The following TTC29 variants were observed in gnomAD, a reference collection of about 807,000 sequenced individuals.
TTC29 encodes tetratricopeptide repeat protein 29.
TTC29 carries 49 observed loss-of-function variants against 58.1 expected under a neutral mutation model. The ratio of observed to expected loss-of-function variants is 0.84; its 90% CI spans 0.67 to 1.07. TTC29 has a LOEUF of 1.07. Ranked by LOEUF, TTC29 falls within the 50% of genes least tolerant of loss-of-function variation. TTC29 has a pLI of 0.00. For missense variants in TTC29, 582 were observed against 555.6 expected (o/e 1.05, Z -0.48); for synonymous variants, 209 against 196.8 (o/e 1.06, Z -0.52).
At position 146,845,817 on chromosome 4, in the gene TTC29, T is replaced by TCA. The variant is rs112302644; in HGVS notation, c.886-11922_886-11921dup. ...ACTCTTCCAGTACTTGTACACACAA[T>TCA]CACACACACACACACACACACACAC... On this transcript the variant is annotated intron_variant, in intron 8 of 12. Coordinates refer to ENST00000325106, the MANE Select transcript of TTC29 (RefSeq NM_031956.4). Among the ~76,000 whole-genome samples, 1,436 of 148,850 alleles carry TCA rather than the reference T, an allele frequency of 9.6e-3. 20 individuals carry two copies. Among genetic ancestry groups the TCA allele is most frequent in the African/African-American group, 0.025 (1,021 of 40,744 alleles).
intron 11 of TTC29, among the ~76,000 whole-genome samples, chr4:146,714,646 A>G (rs1011232913): frequency 6.6e-6 from 1 of 152,106 alleles, no homozygotes; most frequent in Non-Finnish European, 1.5e-5. Context: ...CCCACTGAAA[A>G]TATCTTTTAA....
At chr4:146,857,146 A>C (rs1729913491) in intron 8 of TTC29, among the ~76,000 whole-genome samples, 1 of 152,176 alleles carries the variant, frequency 6.6e-6, no homozygotes, top group African/African-American at 2.4e-5. Context: ...TAAAATTAGA[A>C]AATATTATTT....
intron 11 of TTC29, among the ~76,000 whole-genome samples, chr4:146,717,278 TTAG>T (rs1022284548): frequency 6.6e-6 from 1 of 152,052 alleles, no homozygotes; most frequent in African/African-American, 2.4e-5. Context: ...GTTATTATTA[TTAG>T]TAGTAGTAGT....
chr4:146,821,802 G>A (rs1328072901), intron 9 of TTC29, among the ~76,000 whole-genome samples: 1 of 152,100 alleles, frequency 6.6e-6, no homozygotes, highest in Non-Finnish European at 1.5e-5. Context: ...CCTAGCAAAT[G>A]TCCCAAAATT....
chr4:146,816,876 T>C (rs1456328670), intron 10 of TTC29, among the ~76,000 whole-genome samples: 1 of 152,200 alleles, frequency 6.6e-6, no homozygotes, highest in African/African-American at 2.4e-5. Context: ...GTCAATTTTA[T>C]GGCAAACAAC....
At chr4:146,942,535 G>T in intron 2 of TTC29, 2 of 1,230,644 alleles carry the variant, frequency 1.6e-6, no homozygotes, top group Non-Finnish European at 2.3e-6. Context: ...ACTCATGTGA[G>T]GTTTGAAGGG....
At chr4:146,784,191 A>G (rs1390088334) in intron 11 of TTC29, among the ~76,000 whole-genome samples, 1 of 151,976 alleles carries the variant, frequency 6.6e-6, no homozygotes, top group Non-Finnish European at 1.5e-5. Context: ...GGACATAAAT[A>G]TAGTGTATAA....
chr4:146,933,548 C>T (rs59895147), intron 4 of TTC29, among the ~76,000 whole-genome samples: 7,849 of 152,246 alleles, frequency 0.052, 279 homozygotes, highest in South Asian at 0.14. Context: ...AGAAACTCTT[C>T]GGACATGACT....
intron 11 of TTC29, among the ~76,000 whole-genome samples, chr4:146,717,381 G>A (rs1414774429): frequency 6.6e-6 from 1 of 151,986 alleles, no homozygotes; most frequent in Non-Finnish European, 1.5e-5. Flanking sequence ...CAGTTCAAGC[G>A]ATTCTTCTGT....
chr4:146,751,592 C>T (rs975746188), intron 11 of TTC29, among the ~76,000 whole-genome samples: 22 of 152,120 alleles, frequency 1.4e-4, no homozygotes, highest in African/African-American at 4.8e-4. Flanking sequence ...TCCTCCTGAG[C>T]AACCAACGGA....
At chr4:146,807,803 C>G (rs1387956689) in intron 10 of TTC29, among the ~76,000 whole-genome samples, 4 of 152,166 alleles carry the variant, frequency 2.6e-5, no homozygotes, top group African/African-American at 7.2e-5. Context: ...CAAATTCTAT[C>G]AGAGGTACAA....
At position 146,741,395 on chromosome 4, in the gene TTC29, A is replaced by C. The variant is rs1269225430; in HGVS notation, c.1331-33844T>G. Among the ~76,000 whole-genome samples the C allele has an allele frequency of 3.3e-5, 5 of 152,214 alleles. No homozygotes were observed. The East Asian group carries it at 9.6e-4, about 29-fold the overall frequency. On this transcript the variant is annotated intron_variant, in intron 11 of 12. Coordinates refer to ENST00000325106, the MANE Select transcript of TTC29 (RefSeq NM_031956.4). ...GGGTTTGGATGGTCATCATTTCTTC[A>C]GACCAAGGGACGAACTGTTCAGCCC...
At chr4:146,935,008 AG>A (rs1347124869) in intron 4 of TTC29, among the ~76,000 whole-genome samples, 1 of 152,104 alleles carries the variant, frequency 6.6e-6, no homozygotes, top group Admixed American at 6.6e-5. Flanking sequence ...AGAACCTGGA[AG>A]GGGATAAGAT....
chr4:146,815,473 G>T (rs1463319033), intron 10 of TTC29, among the ~76,000 whole-genome samples: 1 of 152,138 alleles, frequency 6.6e-6, no homozygotes, highest in Non-Finnish European at 1.5e-5. Flanking sequence ...GGGTGGAGGT[G>T]CTAAAGAAGC....
At chr4:146,894,307 T>C (rs957718546) in intron 6 of TTC29, among the ~76,000 whole-genome samples, 62 of 151,988 alleles carry the variant, frequency 4.1e-4, no homozygotes, top group African/African-American at 1.5e-3. Context: ...TAGACTGGAT[T>C]AAGAAAATGT....
At chr4:146,838,072 T>C (rs1031088383) in intron 8 of TTC29, among the ~76,000 whole-genome samples, 1 of 152,038 alleles carries the variant, frequency 6.6e-6, no homozygotes, top group African/African-American at 2.4e-5. Flanking sequence ...CAGTGAGTAA[T>C]GAAGATGAAG....
intron 11 of TTC29, among the ~76,000 whole-genome samples, chr4:146,766,924 TA>T (rs959608221): frequency 5.9e-5 from 9 of 151,906 alleles, no homozygotes; most frequent in East Asian, 3.9e-4. Flanking sequence ...TTGTTTAAGA[TA>T]AAAAAAAGAT....
intron 6 of TTC29, among the ~76,000 whole-genome samples, chr4:146,879,356 C>T (rs1248043372): frequency 2.0e-5 from 3 of 152,146 alleles, no homozygotes; most frequent in Non-Finnish European, 4.4e-5. Flanking sequence ...ATTTCTATTT[C>T]CAACTGTGAA....
intron 11 of TTC29, among the ~76,000 whole-genome samples, chr4:146,737,963 C>T (rs554991290): frequency 6.6e-6 from 1 of 152,144 alleles, no homozygotes. Context: ...TTCCTAAGGA[C>T]TGGATGGGGC....
Sources: allele counts gnomAD v4.1 joint callset (sites outside exome capture counted in the v4.1 genomes callset), GRCh38; gene constraint gnomAD v4.1.1; transcripts MANE v1.5; gene names NCBI Gene and HGNC (gene_info 2026-07-23, HGNC 2026-07-21).